SV2B: variants seen among roughly 807,000 people sequenced by gnomAD.
SV2B encodes the protein synaptic vesicle glycoprotein 2B.
A neutral mutation model predicts 73.9 loss-of-function variants in SV2B; 41 were observed. That is an observed-to-expected ratio of 0.56 (90% CI 0.43 to 0.72). The LOEUF (loss-of-function observed/expected upper bound fraction) is 0.72. Among genes scored for constraint, SV2B ranks in the 30% least tolerant of loss-of-function variants. The pLI is 0.00. For synonymous variants in SV2B, 314 were observed against 314.2 expected, an observed-to-expected ratio of 1.00 and a Z score of 0.01; for missense variants, 764 against 857.8, an observed-to-expected ratio of 0.89 and a Z score of 1.37.
chr15:91,180,235 G>T (rs1335599081), intron 1 of SV2B, among the ~76,000 whole-genome samples: 4 of 152,174 alleles, frequency 2.6e-5, no homozygotes, highest in Non-Finnish European at 4.4e-5. Context: ...GCTCTCTTCT[G>T]GCTTGTAGAG....
chr15:91,108,238 A>G (rs1025131766), intron 1 of SV2B, among the ~76,000 whole-genome samples: 1 of 152,212 alleles, frequency 6.6e-6, no homozygotes, highest in Non-Finnish European at 1.5e-5. Flanking sequence ...AGACAAAGGG[A>G]CAATAATAAA....
At chr15:91,127,480 G>A (rs1392260192) in intron 1 of SV2B, among the ~76,000 whole-genome samples, 4 of 151,990 alleles carry the variant, frequency 2.6e-5, no homozygotes, top group Non-Finnish European at 4.4e-5. Context: ...GGCACTGTCC[G>A]GCCGCTCTTC....
Position 91,132,094 on chromosome 15 carries a change from A to G in SV2B, c.-392+31731A>G, listed in dbSNP as rs559383495. ...TGGGACAAAAACGCCCAGCAAAGCA[A>G]AGAAAGAATGAAGCATCAAAAGAAC... On this transcript the variant is annotated intron_variant, in intron 1 of 12. Coordinates refer to ENST00000394232, the MANE Select transcript of SV2B (RefSeq NM_001323032.3). The surrounding 1 kb of genome is among the most constrained non-coding windows in gnomAD (Gnocchi z 4.6). 6.6e-6 allele frequency among the ~76,000 whole-genome samples: 1 copy of G among 152,384 alleles called. No individual in the cohort carries two copies. The highest frequency in any genetic ancestry group is 2.1e-4 in the South Asian group (1 of 4,832).
intron 9 of SV2B, among the ~76,000 whole-genome samples, chr15:91,277,070 C>T (rs1171525102): frequency 1.3e-5 from 2 of 152,128 alleles, no homozygotes; most frequent in African/African-American, 4.8e-5. Flanking sequence ...GATCTGCCCA[C>T]CTTGGCCTCC....
At chr15:91,148,862 T>G (rs944839951) in intron 1 of SV2B, among the ~76,000 whole-genome samples, 1 of 152,156 alleles carries the variant, frequency 6.6e-6, no homozygotes, top group Non-Finnish European at 1.5e-5. Context: ...TATTCAGGCC[T>G]TCAATGAACT....
At chr15:91,212,699 G>A (rs1250394183) in intron 1 of SV2B, among the ~76,000 whole-genome samples, 3 of 151,794 alleles carry the variant, frequency 2.0e-5, no homozygotes, top group African/African-American at 7.3e-5. Flanking sequence ...CACTCCTGTA[G>A]TCCCAGCACT....
intron 1 of SV2B, among the ~76,000 whole-genome samples, chr15:91,215,047 G>A (rs533740488): frequency 2.1e-4 from 32 of 152,288 alleles, no homozygotes; most frequent in South Asian, 6.2e-4. Flanking sequence ...CATCCGGAGC[G>A]CTGCCTGCAG....
Position 91,284,129 on chromosome 15 carries a change from ACCTCGTCAGCTT to A in SV2B, c.1620_1631del (p.Val541_Leu544del). ...GAGCAAGATAATGACTTCCTGATTT[ACCTCGTCAGCTT>A]CCTGGGCAGCCTGTCTGTCTTACCC... On this transcript the variant is annotated inframe_deletion, in exon 11 of 13. Coordinates refer to ENST00000394232, the MANE Select transcript of SV2B (RefSeq NM_001323032.3). The surrounding 1 kb of genome is among the most constrained non-coding windows in gnomAD (Gnocchi z 4.5). The A allele has an allele frequency of 1.2e-6, 2 of 1,614,070 alleles. No homozygotes were observed. The highest frequency in any genetic ancestry group is 1.7e-6 in the Non-Finnish European group (2 of 1,180,024).
chr15:91,244,750 T>C (rs1170346112), intron 2 of SV2B, among the ~76,000 whole-genome samples: 1 of 152,164 alleles, frequency 6.6e-6, no homozygotes, highest in Non-Finnish European at 1.5e-5. Flanking sequence ...AATACTACCC[T>C]TCAAGGGGGG....
intron 1 of SV2B, among the ~76,000 whole-genome samples, chr15:91,190,185 A>G (rs1246437118): frequency 6.6e-6 from 1 of 152,176 alleles, no homozygotes; most frequent in East Asian, 1.9e-4. Flanking sequence ...TTTGTTACAT[A>G]TGTATACATG....
In SV2B at chr15:91,236,770, C is replaced by A. The variant is rs1008007015; in HGVS notation, c.451+10056C>A. Reference sequence around the variant, plus strand: ...CTGGCCCCTATTCCACTTGACATTACCTGGGGCAGCTGGAAGGTGGGGGCT... The same window carrying A: ...CTGGCCCCTATTCCACTTGACATTAACTGGGGCAGCTGGAAGGTGGGGGCT... On this transcript the variant is annotated intron_variant, in intron 2 of 12. Transcript: ENST00000394232. This position sits in a 1 kb window ranked among gnomAD's most constrained non-coding sequence, Gnocchi z 4.1. Among the ~76,000 whole-genome samples the A allele has an allele frequency of 6.6e-6, 1 of 152,098 alleles. No individual in the cohort carries two copies. Among genetic ancestry groups the A allele is most frequent in the Non-Finnish European group, 1.5e-5 (1 of 68,024 alleles).
chr15:91,217,222 A>C (rs1281719016), intron 1 of SV2B, among the ~76,000 whole-genome samples: 2 of 152,172 alleles, frequency 1.3e-5, no homozygotes, highest in African/African-American at 4.8e-5. Context: ...TTTTTTGAGA[A>C]TCTTCTATGT....
At chr15:91,180,721 T>C (rs376664564) in intron 1 of SV2B, among the ~76,000 whole-genome samples, 1 of 152,246 alleles carries the variant, frequency 6.6e-6, no homozygotes, top group South Asian at 2.1e-4. Context: ...ACGTAGTTCT[T>C]GAGCCTTGGC....
intron 1 of SV2B, among the ~76,000 whole-genome samples, chr15:91,152,416 C>A (rs571815503): frequency 1.5e-4 from 23 of 152,248 alleles, no homozygotes; most frequent in African/African-American, 5.5e-4. Flanking sequence ...ACTGTTCCCA[C>A]CTTTGAGTCT....
intron 1 of SV2B, among the ~76,000 whole-genome samples, chr15:91,138,308 A>G (rs1255586802): frequency 6.6e-6 from 1 of 152,210 alleles, no homozygotes; most frequent in Non-Finnish European, 1.5e-5. Context: ...AAATAAGACT[A>G]GTGTGACCGA....
At chr15:91,179,963 A>G (rs796806227) in intron 1 of SV2B, among the ~76,000 whole-genome samples, 1 of 150,388 alleles carries the variant, frequency 6.6e-6, no homozygotes. Context: ...TTTGCTCATT[A>G]GTTGATGCAG....
rs1010680473 is a variant in SV2B at position 91,226,012 on chromosome 15, C to A, written c.-252C>A. ...ACACTTCTGAGTCTCTGAAGGAGAC[C>A]AGAGCTTGAAACTTTCCAGACTTCC... On this transcript the variant is annotated 5_prime_UTR_variant, in exon 2 of 13. Coordinates refer to ENST00000394232, the MANE Select transcript of SV2B (RefSeq NM_001323032.3). 7.9e-6 allele frequency: 4 copies of A among 504,868 alleles called. No homozygotes were observed. The highest frequency in any genetic ancestry group is 1.4e-5 in the Non-Finnish European group (4 of 285,276). The allele number at this position is 504,868 out of a possible 1,614,324, so 31.3% of individuals were successfully genotyped here. A position where few individuals can be genotyped will look rare whatever the true frequency, so the allele number is the denominator to read the frequency against.
chr15:91,197,066 T>C lies in SV2B; in HGVS notation c.-391-28807T>C, dbSNP rs1567335364. On this transcript the variant is annotated intron_variant, in intron 1 of 12. Coordinates refer to ENST00000394232, the MANE Select transcript of SV2B (RefSeq NM_001323032.3). The surrounding 1 kb of genome is among the most constrained non-coding windows in gnomAD (Gnocchi z 4.9). ...GCCGGCTGTGGCAGCCTTTAGCCCATAGATGCTGATCTTTGATGTCAGAAA... is the reference window on the plus strand; with the variant it reads ...GCCGGCTGTGGCAGCCTTTAGCCCACAGATGCTGATCTTTGATGTCAGAAA... Among the ~76,000 whole-genome samples, 3 of 152,244 alleles carry C rather than the reference T, an allele frequency of 2.0e-5. No homozygotes were observed. The highest frequency in any genetic ancestry group is 4.1e-4 in the South Asian group (2 of 4,830).
chr15:91,196,746 T>C (rs2045259676), intron 1 of SV2B, among the ~76,000 whole-genome samples: 2 of 152,250 alleles, frequency 1.3e-5, no homozygotes, highest in South Asian at 2.1e-4. Flanking sequence ...TTTTGCTTGC[T>C]GAACAGGATG....
Sources: gnomAD v4.1 joint callset for allele counts (sites outside exome capture counted in the v4.1 genomes callset) on GRCh38, gnomAD v4.1.1 for gene constraint, Gnocchi (gnomAD v3.1) non-coding constraint, MANE v1.5 for transcripts, NCBI Gene and HGNC (gene_info 2026-07-23, HGNC 2026-07-21) for gene names.